Variants in TBC1D5 observed in about 807,000 individuals in gnomAD.
TBC1D5 encodes TBC1 domain family member 5, also known as TBC1 domain family, member 5.
TBC1D5 carries 75 observed loss-of-function variants against 100.3 expected under a neutral mutation model. The observed-to-expected ratio is 0.75, with a 90% confidence interval of 0.62 to 0.91. TBC1D5 has a LOEUF of 0.91. Ranked by LOEUF, TBC1D5 falls within the 40% of genes least tolerant of loss-of-function variation. The pLI, the probability that TBC1D5 is intolerant of heterozygous loss-of-function variation, is 0.00. For missense variants in TBC1D5, 910 were observed against 942.4 expected (o/e 0.97, Z 0.45); for synonymous variants, 323 against 325.6 (o/e 0.99, Z 0.09).
chr3:17,553,670 C>T (rs904148988), intron 2 of TBC1D5, among the ~76,000 whole-genome samples: 9 of 152,156 alleles, frequency 5.9e-5, no homozygotes, highest in Admixed American at 1.3e-4. Flanking sequence ...TGTGAATAAT[C>T]ACACATTTCC....
chr3:17,219,492 C>A (rs2074038726), intron 17 of TBC1D5, among the ~76,000 whole-genome samples: 1 of 146,354 alleles, frequency 6.8e-6, no homozygotes, highest in Admixed American at 6.8e-5. Flanking sequence ...TTTTTTTTTT[C>A]CTCATACCTT....
At chr3:17,679,287 G>A (rs1304848447) in intron 1 of TBC1D5, among the ~76,000 whole-genome samples, 3 of 151,342 alleles carry the variant, frequency 2.0e-5, no homozygotes, top group Admixed American at 2.0e-4. Flanking sequence ...AACAGGTAAA[G>A]AAATGTAATA....
intron 4 of TBC1D5, among the ~76,000 whole-genome samples, chr3:17,413,163 T>G (rs768992407): frequency 1.3e-5 from 2 of 152,138 alleles, no homozygotes; most frequent in Non-Finnish European, 2.9e-5. Flanking sequence ...ACTTGGTCCC[T>G]GAAAACAATC....
At chr3:17,219,828 C>T (rs1019112534) in intron 17 of TBC1D5, among the ~76,000 whole-genome samples, 1 of 152,000 alleles carries the variant, frequency 6.6e-6, no homozygotes, top group African/African-American at 2.4e-5. Context: ...TTGATGTCAT[C>T]CTTTGGTTAA....
chr3:17,716,914 C>G (rs1162545431), intron 1 of TBC1D5, among the ~76,000 whole-genome samples: 1 of 151,976 alleles, frequency 6.6e-6, no homozygotes. Context: ...CAAACTAAAG[C>G]AAAAAACTGA....
intron 15 of TBC1D5, among the ~76,000 whole-genome samples, chr3:17,277,289 A>C (rs1391979589): frequency 1.3e-5 from 2 of 152,126 alleles, no homozygotes; most frequent in East Asian, 3.8e-4. Flanking sequence ...CCTCCCCTCC[A>C]GTTCACACTA....
At chr3:17,328,008 C>A (rs1042018592) in intron 13 of TBC1D5, among the ~76,000 whole-genome samples, 1 of 152,126 alleles carries the variant, frequency 6.6e-6, no homozygotes, top group Non-Finnish European at 1.5e-5. Context: ...GTGGCTAACA[C>A]CTGTAATTCC....
chr3:17,273,449 T>A (rs749530200), intron 15 of TBC1D5, among the ~76,000 whole-genome samples: 27 of 152,100 alleles, frequency 1.8e-4, no homozygotes, highest in Non-Finnish European at 2.2e-4. Flanking sequence ...AGGCATACAT[T>A]CCCAATTACC....
At chr3:17,359,996 A>G (rs1051830551) in intron 13 of TBC1D5, among the ~76,000 whole-genome samples, 6 of 151,956 alleles carry the variant, frequency 3.9e-5, no homozygotes, top group African/African-American at 1.4e-4. Context: ...GTCCTGAAAA[A>G]TTCTCCTTCA....
At position 17,248,336 on chromosome 3, in the gene TBC1D5, ACTT is replaced by A. The variant is rs1176381826; in HGVS notation, c.1332-9920_1332-9918del. On this transcript the variant is annotated intron_variant, in intron 16 of 21. Transcript: ENST00000253692. Reference sequence around the variant, plus strand: ...GAGTCATTGATGAGTGTTGAAATCAACTTCTTCTAAAATCAACTTCTTTCAAAC... The same window carrying A: ...GAGTCATTGATGAGTGTTGAAATCAACTTCTAAAATCAACTTCTTTCAAAC... Among the ~76,000 whole-genome samples the A allele has an allele frequency of 4.6e-5, 7 of 152,236 alleles. No individual in the cohort carries two copies. In the East Asian group the frequency reaches 1.2e-3, roughly 25 times the overall value.
intron 2 of TBC1D5, among the ~76,000 whole-genome samples, chr3:17,584,997 C>T (rs2096724061): frequency 6.6e-6 from 1 of 151,926 alleles, no homozygotes; most frequent in African/African-American, 2.4e-5. Context: ...TGCTATGTTG[C>T]CTAGACTGGT....
At chr3:17,670,232 T>A (rs6795189) in intron 1 of TBC1D5, among the ~76,000 whole-genome samples, 89,470 of 152,068 alleles carry the variant, frequency 0.59, 27,005 homozygotes, top group East Asian at 0.99. Context: ...ACTCAGTGAA[T>A]ACCAAATCAC....
chr3:17,503,043 C>A (rs561794228), intron 3 of TBC1D5, among the ~76,000 whole-genome samples: 3 of 149,642 alleles, frequency 2.0e-5, no homozygotes, highest in Admixed American at 6.6e-5. Context: ...GTAGTTTATT[C>A]ACCCTACTAC....
chr3:17,209,351 A>C (rs1368009627), intron 18 of TBC1D5, among the ~76,000 whole-genome samples: 1 of 152,086 alleles, frequency 6.6e-6, no homozygotes, highest in East Asian at 1.9e-4. Context: ...AGGTCTCACT[A>C]TGTTGCTCAG....
At chr3:17,276,696 C>T (rs895114172) in intron 15 of TBC1D5, among the ~76,000 whole-genome samples, 1 of 152,272 alleles carries the variant, frequency 6.6e-6, no homozygotes, top group South Asian at 2.1e-4. Context: ...AGAACATTTC[C>T]ATTTTGGAGA....
At chr3:17,212,271 T>A (rs1175680674) in intron 18 of TBC1D5, among the ~76,000 whole-genome samples, 1 of 152,118 alleles carries the variant, frequency 6.6e-6, no homozygotes, top group South Asian at 2.1e-4. Context: ...CATAAGACTA[T>A]AATGGAGCTA....
intron 16 of TBC1D5, among the ~76,000 whole-genome samples, chr3:17,241,813 T>C (rs2076329039): frequency 1.3e-5 from 2 of 152,212 alleles, no homozygotes; most frequent in African/African-American, 4.8e-5. Context: ...GCCATCATAC[T>C]GCATGGGCAT....
At chr3:17,426,050 GT>G (rs2094327940) in intron 4 of TBC1D5, among the ~76,000 whole-genome samples, 1 of 151,966 alleles carries the variant, frequency 6.6e-6, no homozygotes, top group African/African-American at 2.4e-5. Context: ...TCAGGCCTGC[GT>G]TGTCGAATTG....
intron 2 of TBC1D5, among the ~76,000 whole-genome samples, chr3:17,584,951 C>T (rs1177080775): frequency 6.6e-6 from 1 of 152,160 alleles, no homozygotes; most frequent in Admixed American, 6.6e-5. Context: ...CCACTGTGCC[C>T]AGCCAACATT....
Sources: allele counts gnomAD v4.1 joint callset (sites outside exome capture counted in the v4.1 genomes callset), GRCh38; gene constraint gnomAD v4.1.1; transcripts MANE v1.5; gene names NCBI Gene and HGNC (gene_info 2026-07-23, HGNC 2026-07-21).